RNASE4: variants seen among roughly 807,000 people sequenced by gnomAD.
RNASE4 encodes ribonuclease A family member 4.
For missense variants in RNASE4, 194 were observed against 192.8 expected, an observed-to-expected ratio of 1.01 and a Z score of -0.04; for synonymous variants, 93 against 71.4, an observed-to-expected ratio of 1.30 and a Z score of -1.52.
chr14:20,693,282 T>C (rs576652455), intron 1 of RNASE4, among the ~76,000 whole-genome samples: 1 of 152,234 alleles, frequency 6.6e-6, no homozygotes, highest in African/African-American at 2.4e-5. Flanking sequence ...ATGTTACGAC[T>C]GATAGAGAAA....
At position 20,694,264 on chromosome 14, in the gene RNASE4, C is replaced by CATAGGATA. The variant is rs1046323087; in HGVS notation, c.-17-5090_-17-5083dup. 9.7e-5 allele frequency: 51 copies of CATAGGATA among 527,526 alleles called. No individual in the cohort carries two copies. The Middle Eastern group carries it at 1.6e-3, about 17-fold the overall frequency. 32.7% of individuals were successfully genotyped at this position (527,526 alleles called of 1,614,324 possible). A position where few individuals can be genotyped will look rare whatever the true frequency, so the allele number is the denominator to read the frequency against. Reference sequence around the variant, plus strand: ...ACTTGGCTGCTCCCTGAGAGGACTGCATAGGATAGAAATGCCTTTTTCTTT... The same window carrying CATAGGATA: ...ACTTGGCTGCTCCCTGAGAGGACTGCATAGGATAATAGGATAGAAATGCCTTTTTCTTT... On this transcript the variant is annotated intron_variant, in intron 1 of 1. Transcript: ENST00000555835.
At chr14:20,695,670 T>A (rs1887068892) in intron 1 of RNASE4, among the ~76,000 whole-genome samples, 1 of 152,240 alleles carries the variant, frequency 6.6e-6, no homozygotes, top group African/African-American at 2.4e-5. Context: ...GTCTCAGTAT[T>A]CCCTATGGTG....
At chr14:20,686,807 A>G (rs1338393514) in intron 1 of RNASE4, among the ~76,000 whole-genome samples, 2 of 152,254 alleles carry the variant, frequency 1.3e-5, no homozygotes, top group Non-Finnish European at 2.9e-5. Flanking sequence ...AAAGTGTTAG[A>G]ATAATAAAGA....
chr14:20,687,623 T>A (rs957746943), intron 1 of RNASE4, among the ~76,000 whole-genome samples: 9 of 152,242 alleles, frequency 5.9e-5, no homozygotes, highest in African/African-American at 2.2e-4. Context: ...CCACCATTCA[T>A]CTGCTGTTTG....
At position 20,701,132 on chromosome 14, in the gene RNASE4, C is replaced by T. The variant is rs1203142726; in HGVS notation, c.*1317C>T. 6.6e-6 allele frequency: 1 copy of T among 152,222 alleles called. No homozygotes were observed. The highest frequency in any genetic ancestry group is 1.5e-5 in the Non-Finnish European group (1 of 68,054). The allele number at this position is 152,222 out of a possible 1,614,324, so 9.4% of individuals were successfully genotyped here. The stretch of plus-strand genomic sequence containing the variant: ...CCAACCCAAATCCTATAAAACTGCC[C>T]CACCCCATCTCCCTTTGCTGACTCC... On this transcript the variant is annotated 3_prime_UTR_variant, in exon 2 of 2. Coordinates refer to ENST00000555835, the MANE Select transcript of RNASE4 (RefSeq NM_002937.5).
chr14:20,699,093 T>C (rs72659992), intron 1 of RNASE4: 49,028 of 384,054 alleles, frequency 0.13, 3,722 homozygotes, highest in South Asian at 0.21. Flanking sequence ...AGTCAGTCCC[T>C]GCCCTGTGTC....
intron 1 of RNASE4, among the ~76,000 whole-genome samples, chr14:20,690,221 C>CAAAAAAAAAAAAAAAAAAAAAAA (rs36091065): frequency 8.8e-5 from 6 of 67,978 alleles, no homozygotes; most frequent in Non-Finnish European, 1.5e-4. Flanking sequence ...GACTCCGTCT[C>CAAAAAAAAAAAAAAAAAAAAAAA]AAAAAAAAAA....
intron 1 of RNASE4, among the ~76,000 whole-genome samples, chr14:20,697,732 G>T (rs2139035348): frequency 6.6e-6 from 1 of 152,298 alleles, no homozygotes; most frequent in South Asian, 2.1e-4. Context: ...GAGTTCAACT[G>T]GGGTCAGTCC....
In RNASE4 at chr14:20,684,591, A is replaced by T. The variant is rs1167649483; in HGVS notation, c.-185A>T. ...CCCCCATCTCCGTCCGTGTACACAC[A>T]CTCACACAAGGACGCCAACCCCACC... On this transcript the variant is annotated 5_prime_UTR_variant, in exon 1 of 2. Transcript: ENST00000555835. 6.6e-6 allele frequency: 1 copy of T among 152,358 alleles called. No homozygotes were observed. Among genetic ancestry groups the T allele is most frequent in the Admixed American group, 6.5e-5 (1 of 15,288 alleles). 9.4% of individuals were successfully genotyped at this position (152,358 alleles called of 1,614,324 possible).
intron 1 of RNASE4, among the ~76,000 whole-genome samples, chr14:20,691,948 C>T (rs532209368): frequency 1.3e-5 from 2 of 152,318 alleles, no homozygotes; most frequent in African/African-American, 4.8e-5. Context: ...TGCCAGGACC[C>T]ATGGCCTTTT....
intron 1 of RNASE4, among the ~76,000 whole-genome samples, chr14:20,685,355 C>T (rs1201636186): frequency 6.6e-6 from 1 of 152,174 alleles, no homozygotes; most frequent in East Asian, 1.9e-4. Flanking sequence ...AGCGCAACAT[C>T]TTTATTAAAA....
At chr14:20,687,747 A>C (rs760101583) in intron 1 of RNASE4, among the ~76,000 whole-genome samples, 1 of 152,210 alleles carries the variant, frequency 6.6e-6, no homozygotes, top group African/African-American at 2.4e-5. Flanking sequence ...GAAAGATTGC[A>C]CTGAATATTA....
intron 1 of RNASE4, among the ~76,000 whole-genome samples, 174 bp downstream of exon 1, chr14:20,684,932 G>C (rs1886354023): frequency 1.3e-5 from 2 of 152,144 alleles, no homozygotes; most frequent in Admixed American, 1.3e-4. Flanking sequence ...ATTTGTATGA[G>C]TTAACGACTT....
chr14:20,693,644 A>G (rs1471974748), intron 1 of RNASE4: 2 of 1,614,004 alleles, frequency 1.2e-6, no homozygotes, highest in South Asian at 1.1e-5. Flanking sequence ...GCTCAGGATA[A>G]CTCCAGGTAC....
intron 1 of RNASE4, chr14:20,693,460 C>T (rs1379422454): frequency 1.3e-6 from 2 of 1,530,994 alleles, no homozygotes; most frequent in Non-Finnish European, 1.8e-6. Flanking sequence ...TTCATGATGC[C>T]GTGTCAGAGA....
intron 1 of RNASE4, among the ~76,000 whole-genome samples, chr14:20,687,307 G>A (rs1483218404): frequency 1.3e-5 from 2 of 152,232 alleles, no homozygotes; most frequent in African/African-American, 4.8e-5. Flanking sequence ...TGGGCAGATT[G>A]TGTATCCTCC....
intron 1 of RNASE4, among the ~76,000 whole-genome samples, chr14:20,689,407 A>G (rs972427210): frequency 6.6e-6 from 1 of 152,210 alleles, no homozygotes; most frequent in African/African-American, 2.4e-5. Flanking sequence ...TTAGGCTCTT[A>G]CTTTGGGGGA....
At chr14:20,690,497 G>A (rs1432941654) in intron 1 of RNASE4, among the ~76,000 whole-genome samples, 1 of 152,094 alleles carries the variant, frequency 6.6e-6, no homozygotes, top group East Asian at 1.9e-4. Context: ...TATTGAGAAA[G>A]TTTTGAGTGA....
chr14:20,696,659 T>C (rs1887101874), intron 1 of RNASE4, among the ~76,000 whole-genome samples: 1 of 151,368 alleles, frequency 6.6e-6, no homozygotes, highest in Admixed American at 6.6e-5. Context: ...CAATAATATA[T>C]GCAACTCTGT....
Sources: gnomAD v4.1 joint callset for allele counts (sites outside exome capture counted in the v4.1 genomes callset) on GRCh38, gnomAD v4.1.1 for gene constraint, MANE v1.5 for transcripts, NCBI Gene and HGNC (gene_info 2026-07-23, HGNC 2026-07-21) for gene names.